The following ADGRV1 variants were observed in gnomAD, a reference collection of about 807,000 sequenced individuals.
ADGRV1 encodes the protein adhesion G protein-coupled receptor V1.
A neutral mutation model predicts 596.2 loss-of-function variants in ADGRV1; 359 were observed. The ratio of observed to expected loss-of-function variants is 0.60; its 90% CI spans 0.55 to 0.66. The LOEUF (loss-of-function observed/expected upper bound fraction) is 0.66, where lower values mean the gene tolerates loss of function less well. Among genes scored for constraint, ADGRV1 ranks in the 30% least tolerant of loss-of-function variants. The pLI, the probability that ADGRV1 is intolerant of heterozygous loss-of-function variation, is 0.00. For synonymous variants in ADGRV1, 2,681 were observed against 2,679.2 expected, an observed-to-expected ratio of 1.00 and a Z score of -0.02; for missense variants, 7,274 against 7,575.6, an observed-to-expected ratio of 0.96 and a Z score of 1.48.
chr5:90,910,770 T>C (rs1310324325), intron 83 of ADGRV1, among the ~76,000 whole-genome samples: 1 of 152,150 alleles, frequency 6.6e-6, no homozygotes, highest in African/African-American at 2.4e-5. Context: ...GGGTGGTTTC[T>C]TTAATAACAA....
At chr5:90,745,528 C>T in intron 51 of ADGRV1, 63 bp from the exon 52 acceptor site, 1 of 1,084,808 alleles carries the variant, frequency 9.2e-7, no homozygotes, top group Non-Finnish European at 1.3e-6. Context: ...AATGAGTAGT[C>T]TACTATGTAT....
chr5:90,668,063 GTT>G (rs1404109701), intron 21 of ADGRV1, among the ~76,000 whole-genome samples: 24 of 152,022 alleles, frequency 1.6e-4, no homozygotes, highest in Middle Eastern at 6.8e-3. Context: ...CTGTCTTTTT[GTT>G]TGTCTGTGCC....
At chr5:91,128,782 T>G (rs1437549420) in intron 87 of ADGRV1, among the ~76,000 whole-genome samples, 1 of 152,208 alleles carries the variant, frequency 6.6e-6, no homozygotes, top group Non-Finnish European at 1.5e-5. Flanking sequence ...TTCCCAATAC[T>G]TAGCACTTGA....
intron 85 of ADGRV1, among the ~76,000 whole-genome samples, chr5:91,031,965 A>C (rs1004982099): frequency 1.3e-5 from 2 of 152,250 alleles, no homozygotes; most frequent in Non-Finnish European, 2.9e-5. Flanking sequence ...ACAAGATAAT[A>C]AATGCTATGA....
chr5:90,745,064 G>A lies in ADGRV1; in HGVS notation c.10568G>A (p.Gly3523Asp). Reference sequence around the variant, plus strand: ...CCTGCAGCCCACATACTTCTTATTGGCCAAGATATGTCTGCTCTTTACTGC... The same window carrying A: ...CCTGCAGCCCACATACTTCTTATTGACCAAGATATGTCTGCTCTTTACTGC... Reference protein sequence around the residue: ...ASGIAHILLIGQDMSALYCWN... With the variant: ...ASGIAHILLIDQDMSALYCWN... Residue 3523 changes from glycine to aspartate, a missense_variant, in exon 51 of 90, where the codon GGC (glycine) becomes GAC (aspartate). Gly to Asp is a moderately conservative substitution (Grantham distance 94, BLOSUM62 -1). This residue lies in a region of ADGRV1 where 3,643 missense variants were observed against 3,809.2 expected (regional missense o/e 0.96). Coordinates refer to ENST00000405460, the MANE Select transcript of ADGRV1 (RefSeq NM_032119.4). The A allele has an allele frequency of 6.2e-7, 1 of 1,613,392 alleles. No individual in the cohort carries two copies. Among genetic ancestry groups the A allele is most frequent in the Non-Finnish European group, 8.5e-7 (1 of 1,179,540 alleles).
In ADGRV1 at chr5:90,805,428, ATTG is replaced by A. The variant is rs769131344; in HGVS notation, c.14813_14815del (p.Val4938del). The A allele has an allele frequency of 6.3e-6, 10 of 1,594,044 alleles. No homozygotes were observed. The highest frequency in any genetic ancestry group is 1.7e-6 in the Non-Finnish European group (2 of 1,163,896). On this transcript the variant is annotated inframe_deletion, in exon 72 of 90. Transcript: ENST00000405460. Reference sequence around the variant, plus strand: ...TCCTGGGTTAGAAATTCCTGAATTCATTGTTGTTGGCAACATGACCCCAACACT... The same window carrying A: ...TCCTGGGTTAGAAATTCCTGAATTCATTGTTGGCAACATGACCCCAACACT...
At chr5:90,754,957 T>C in intron 54 of ADGRV1, 26 bp from the exon 55 acceptor site, 1 of 1,527,276 alleles carries the variant, frequency 6.5e-7, no homozygotes, top group Non-Finnish European at 9.1e-7. Flanking sequence ...AAAAGACTAT[T>C]TACTCGTGGC....
intron 59 of ADGRV1, among the ~76,000 whole-genome samples, chr5:90,771,287 G>T (rs1323355882): frequency 6.6e-6 from 1 of 152,108 alleles, no homozygotes; most frequent in East Asian, 1.9e-4. Context: ...AAGTAAAAAG[G>T]ATATAGATTT....
At chr5:90,807,807 A>G in intron 73 of ADGRV1, 70 bp downstream of exon 73, 1 of 1,325,992 alleles carries the variant, frequency 7.5e-7, no homozygotes, top group Non-Finnish European at 1.0e-6. Context: ...ATCAAAACAG[A>G]AAAAGGCACA....
At chr5:90,634,316 G>A (rs1436986682) in intron 9 of ADGRV1, among the ~76,000 whole-genome samples, 1 of 152,174 alleles carries the variant, frequency 6.6e-6, no homozygotes, top group Non-Finnish European at 1.5e-5. Flanking sequence ...AGCTGCTGCA[G>A]TTTCAAGTCT....
At chr5:90,960,945 C>G (rs1263046351) in intron 83 of ADGRV1, among the ~76,000 whole-genome samples, 1 of 152,070 alleles carries the variant, frequency 6.6e-6, no homozygotes, top group East Asian at 1.9e-4. Flanking sequence ...CTTTGAATCC[C>G]CACAAGCAGC....
At chr5:90,599,091 G>C (rs1382382770) in intron 1 of ADGRV1, among the ~76,000 whole-genome samples, 1 of 152,120 alleles carries the variant, frequency 6.6e-6, no homozygotes, top group Non-Finnish European at 1.5e-5. Context: ...CCCCCAAAGA[G>C]TAGAGGCTTA....
intron 86 of ADGRV1, 49 bp downstream of exon 86, chr5:91,072,653 G>A (rs776737741): frequency 1.1e-5 from 17 of 1,558,354 alleles, no homozygotes; most frequent in Middle Eastern, 1.7e-4. Context: ...CGCTTTAATG[G>A]TGGGAAAATG....
chr5:90,713,907 G>A (rs952130644), intron 42 of ADGRV1, among the ~76,000 whole-genome samples: 1 of 152,120 alleles, frequency 6.6e-6, no homozygotes, highest in Non-Finnish European at 1.5e-5. Flanking sequence ...ATTCCTCAGA[G>A]CAAAAAGTGC....
At chr5:90,729,523 C>T (rs1302553734) in intron 49 of ADGRV1, 119 bp from the exon 50 acceptor site, 2 of 774,448 alleles carry the variant, frequency 2.6e-6, no homozygotes, top group Non-Finnish European at 4.1e-6. Context: ...TTTTATTGGA[C>T]TAAATGGATT....
At chr5:91,143,994 G>A (rs148236212) in intron 87 of ADGRV1, among the ~76,000 whole-genome samples, 77 of 152,310 alleles carry the variant, frequency 5.1e-4, no homozygotes, top group African/African-American at 1.8e-3. Context: ...CAGTGCCCAG[G>A]CTTGGCCTCA....
At chr5:90,684,899 A>G (rs549639113) in intron 28 of ADGRV1, among the ~76,000 whole-genome samples, 44 of 152,202 alleles carry the variant, frequency 2.9e-4, no homozygotes, top group Non-Finnish European at 4.7e-4. Flanking sequence ...CGAAGCGGTT[A>G]AAGAGGCAGT....
intron 53 of ADGRV1, among the ~76,000 whole-genome samples, chr5:90,751,388 G>A (rs1755234455): frequency 6.6e-6 from 1 of 152,166 alleles, no homozygotes; most frequent in African/African-American, 2.4e-5. Context: ...GAGTGAGACA[G>A]TTTGCTGTAG....
At position 90,778,910 on chromosome 5, in the gene ADGRV1, C is replaced by T. The variant is rs756954694; in HGVS notation, c.12895C>T (p.Arg4299Ter). 5 of 1,613,086 alleles carry T rather than the reference C, an allele frequency of 3.1e-6. No individual in the cohort carries two copies. Among genetic ancestry groups the T allele is most frequent in the South Asian group, 1.1e-5 (1 of 91,014 alleles). ...TTCCAGTGGAGATTTTGGCCATGTG[C>T]GACTCTGGTACAAGACGATGAGCGG... Reference protein sequence around the residue: ...IRSSGDFGHVRLWYKTMSGTA... With the variant: ...IRSSGDFGHV The change falls in exon 64 of 90, where the codon CGA becomes TGA. Residue 4299 changes from arginine to a stop codon, truncating the protein, a stop_gained. Transcript: ENST00000405460. LOFTEE classifies it high-confidence loss of function.
Sources: allele counts gnomAD v4.1 joint callset (sites outside exome capture counted in the v4.1 genomes callset), GRCh38; gene constraint gnomAD v4.1.1; regional missense constraint gnomAD v4.1.1; transcripts MANE v1.5; gene names NCBI Gene and HGNC (gene_info 2026-07-23, HGNC 2026-07-21).